The following SUMF1 variants were observed in gnomAD, a reference collection of about 807,000 sequenced individuals.
SUMF1 encodes formylglycine-generating enzyme.
A neutral mutation model predicts 47.6 loss-of-function variants in SUMF1; 48 were observed. The ratio of observed to expected loss-of-function variants is 1.01; its 90% confidence interval spans 0.80 to 1.28. The LOEUF is 1.28. SUMF1 is among the 50% of genes most tolerant of loss of function. The pLI is 0.00. For synonymous variants in SUMF1, 230 were observed against 192.1 expected, an observed-to-expected ratio of 1.20 and a Z score of -1.63; for missense variants, 571 against 485.4, an observed-to-expected ratio of 1.18 and a Z score of -1.66.
intron 8 of SUMF1, among the ~76,000 whole-genome samples, chr3:4,207,539 G>A (rs1486942745): frequency 1.3e-5 from 2 of 152,106 alleles, no homozygotes; most frequent in African/African-American, 2.4e-5. Flanking sequence ...ATTTTCAAAC[G>A]TTTTTATATT....
downstream of SUMF1, among the ~76,000 whole-genome samples, chr3:4,356,227 G>A (rs1699614220): frequency 6.6e-6 from 1 of 152,174 alleles, no homozygotes; most frequent in South Asian, 2.1e-4. Flanking sequence ...AATGAGGCCT[G>A]CTCTAGGGTG....
chr3:4,210,790 G>C (rs1695762289), intron 8 of SUMF1, among the ~76,000 whole-genome samples: 1 of 151,908 alleles, frequency 6.6e-6, no homozygotes, highest in Non-Finnish European at 1.5e-5. Context: ...TGTCTGTGAG[G>C]GTGTTCCCAA....
chr3:4,112,631 G>A (rs1693333691), intron 8 of SUMF1, among the ~76,000 whole-genome samples: 1 of 152,118 alleles, frequency 6.6e-6, no homozygotes, highest in Non-Finnish European at 1.5e-5. Context: ...TAGCTAGTCT[G>A]GAGTTACTCT....
intron 8 of SUMF1, among the ~76,000 whole-genome samples, chr3:4,080,501 C>G (rs191761569): frequency 6.6e-6 from 1 of 151,980 alleles, no homozygotes; most frequent in Non-Finnish European, 1.5e-5. Context: ...ACCTGGGAAC[C>G]CTGCTTCAAA....
At chr3:4,392,615 G>GTATATATATATATATATATATATCTACC (rs1700906644) in intron 7 of SUMF1, among the ~76,000 whole-genome samples, 2 of 96,122 alleles carry the variant, frequency 2.1e-5, no homozygotes, top group Non-Finnish European at 4.7e-5. Context: ...GTGTGTGTGT[G>GTATATATATATATATATATATATCTACC]TATATATATA....
rs35752142 is a variant in SUMF1, at chr3:4,067,355, G to C, written c.1191+1214C>G. On this transcript the variant is annotated intron_variant and NMD_transcript_variant, in intron 9 of 12. Transcript: ENST00000448413. Reference sequence around the variant, plus strand: ...GGCATATATACCATATCATGAAGGAGAGCACTCCAAATTTGTAGAACGTTG... The same window carrying C: ...GGCATATATACCATATCATGAAGGACAGCACTCCAAATTTGTAGAACGTTG... Among the ~76,000 whole-genome samples the C allele has an allele frequency of 8.0e-3, 1,218 of 152,264 alleles. 14 individuals are homozygous for C. Among genetic ancestry groups the C allele is most frequent in the Middle Eastern group, 0.041 (12 of 294 alleles).
intron 8 of SUMF1, among the ~76,000 whole-genome samples, chr3:4,225,563 G>A (rs1696155464): frequency 6.6e-6 from 1 of 152,082 alleles, no homozygotes; most frequent in Non-Finnish European, 1.5e-5. Flanking sequence ...AATAAACCCA[G>A]CTAACACACA....
chr3:4,417,905 C>G, intron 5 of SUMF1, 105 bp downstream of exon 5: 1 of 1,568,202 alleles, frequency 6.4e-7, no homozygotes, highest in East Asian at 2.2e-5. Flanking sequence ...GAATTATTGT[C>G]GTTATTAACT....
At chr3:4,226,302 C>A (rs1204604472) in intron 8 of SUMF1, among the ~76,000 whole-genome samples, 1 of 115,256 alleles carries the variant, frequency 8.7e-6, no homozygotes, top group Non-Finnish European at 1.7e-5. Context: ...CAGAGTCTCA[C>A]TCTTTCACCC....
intron 7 of SUMF1, among the ~76,000 whole-genome samples, chr3:4,380,369 A>C (rs1700464911): frequency 6.6e-6 from 1 of 152,222 alleles, no homozygotes; most frequent in African/African-American, 2.4e-5. Context: ...GGAGCTAAAC[A>C]TTGGATATAC....
At chr3:4,354,782 T>A (rs1351416983) in intron 8 of SUMF1, among the ~76,000 whole-genome samples, 3 of 152,212 alleles carry the variant, frequency 2.0e-5, no homozygotes, top group Admixed American at 2.0e-4. Flanking sequence ...CTCCTTTGCT[T>A]CTAATAGTCA....
In SUMF1 at chr3:4,362,052, T is replaced by C. The variant is rs150796088; in HGVS notation, c.*92A>G. 1.9e-3 allele frequency: 2,444 copies of C among 1,299,890 alleles called. 31 individuals carry two copies. In the African/African-American group the frequency reaches 0.032, roughly 17 times the overall value. The allele number at this position is 1,299,890 out of a possible 1,614,324, so 80.5% of individuals were successfully genotyped here. On this transcript the variant is annotated 3_prime_UTR_variant, in exon 9 of 9. Transcript: ENST00000272902. ...TATGTAACCCACCTCAGGGTGGGAA[T>C]TCTTTGCATGGGATCGTTCAAAGTT...
chr3:4,298,143 T>C (rs1697891292), intron 8 of SUMF1, among the ~76,000 whole-genome samples: 1 of 152,218 alleles, frequency 6.6e-6, no homozygotes, highest in Non-Finnish European at 1.5e-5. Flanking sequence ...AAAACCTGTT[T>C]ATGGAAATCT....
intron 8 of SUMF1, among the ~76,000 whole-genome samples, chr3:4,165,551 T>C (rs1000082673): frequency 6.6e-6 from 1 of 152,110 alleles, no homozygotes; most frequent in African/African-American, 2.4e-5. Flanking sequence ...TGCATAGTTG[T>C]GGATTATCTT....
chr3:4,151,188 A>G lies in SUMF1; in HGVS notation c.1015-82443T>C, dbSNP rs569253281. ...TATACACACACACATACATGCAAAT[A>G]TATATTTAAACACATATAAGGAAAT... On this transcript the variant is annotated intron_variant and NMD_transcript_variant, in intron 8 of 12. Transcript: ENST00000448413. Among the ~76,000 whole-genome samples, 6 of 151,190 alleles carry G rather than the reference A, an allele frequency of 4.0e-5. No homozygotes were observed. The South Asian group carries it at 1.2e-3, about 31-fold the overall frequency.
Position 4,161,919 on chromosome 3 carries a change from T to C in SUMF1, c.1015-93174A>G, listed in dbSNP as rs549257735. 1.4e-4 allele frequency among the ~76,000 whole-genome samples: 21 copies of C among 152,140 alleles called. No individual in the cohort carries two copies. In the South Asian group the frequency reaches 3.9e-3, roughly 29 times the overall value. On this transcript the variant is annotated intron_variant and NMD_transcript_variant, in intron 8 of 12. Coordinates refer to the SUMF1 transcript ENST00000448413. ...CTGCTGGAAATGTGCTGGGTCACAC[T>C]GGAAGCCAGCACATCTCAGAGTTTC...
intron 3 of SUMF1, among the ~76,000 whole-genome samples, chr3:4,439,115 G>A (rs1702495251): frequency 6.6e-6 from 1 of 152,124 alleles, no homozygotes; most frequent in Admixed American, 6.5e-5. Flanking sequence ...TAACACTTGT[G>A]GAACTAAAGT....
chr3:4,446,803 A>G (rs1029256135), intron 3 of SUMF1, among the ~76,000 whole-genome samples: 1 of 152,248 alleles, frequency 6.6e-6, no homozygotes, highest in African/African-American at 2.4e-5. Context: ...TAAATGTCCT[A>G]GATTCTTCAA....
intron 8 of SUMF1, among the ~76,000 whole-genome samples, chr3:4,094,123 G>A (rs1157688902): frequency 4.6e-5 from 7 of 152,080 alleles, no homozygotes; most frequent in Non-Finnish European, 8.8e-5. Context: ...GGTTTATGAG[G>A]TATAGGTCAT....
Sources: gnomAD v4.1 joint callset for allele counts (sites outside exome capture counted in the v4.1 genomes callset) on GRCh38, gnomAD v4.1.1 for gene constraint, MANE v1.5 for transcripts, NCBI Gene and HGNC (gene_info 2026-07-23, HGNC 2026-07-21) for gene names.